Variants in AGAP4 observed in about 807,000 individuals in gnomAD.
AGAP4 encodes the protein arf-GAP with GTPase, ANK repeat and PH domain-containing protein 4.
Under a neutral mutation model 60.7 loss-of-function variants are expected in AGAP4, and 13 were observed. The ratio of observed to expected loss-of-function variants is 0.21; its 90% CI spans 0.14 to 0.34. AGAP4 has a LOEUF of 0.34. AGAP4 is among the 10% of genes least tolerant of loss of function. AGAP4 has a pLI of 1.00. For missense variants in AGAP4, 169 were observed against 884.0 expected (o/e 0.19, Z 10.26); for synonymous variants, 70 against 339.0 (o/e 0.21, Z 8.72).
At chr10:45,849,891 A>C (rs2135974549), upstream of AGAP4, among the ~76,000 whole-genome samples, 1 of 151,246 alleles carries the variant, frequency 6.6e-6, no homozygotes, top group South Asian at 2.1e-4. Context: ...TACAGGCATG[A>C]GCCACCGTGC....
At chr10:45,831,190 C>A (rs1289399194) in intron 6 of AGAP4, among the ~76,000 whole-genome samples, 1 of 114,896 alleles carries the variant, frequency 8.7e-6, no homozygotes, top group Admixed American at 8.2e-5. Context: ...TCAATATAAT[C>A]AATATAAACA....
At chr10:45,844,567 A>C in intron 2 of AGAP4, 173 bp from the exon 3 acceptor site, 1 of 1,122,058 alleles carries the variant, frequency 8.9e-7, no homozygotes, top group African/African-American at 1.7e-5. Context: ...ACATGCTTGT[A>C]GTCCCAGCTA....
At chr10:45,849,444 G>C (rs1171955424), upstream of AGAP4, among the ~76,000 whole-genome samples, 1 of 148,224 alleles carries the variant, frequency 6.7e-6, no homozygotes, top group African/African-American at 2.5e-5. Context: ...GCTTGGATGG[G>C]AAATGACATT....
chr10:45,850,643 A>G (rs2135976040), upstream of AGAP4, among the ~76,000 whole-genome samples: 1 of 152,376 alleles, frequency 6.6e-6, no homozygotes, highest in East Asian at 1.9e-4. Flanking sequence ...AAAGCGGAGG[A>G]AAAAGTCTGT....
intron 4 of AGAP4, among the ~76,000 whole-genome samples, chr10:45,834,425 T>A (rs1444991634): frequency 7.1e-6 from 1 of 141,518 alleles, no homozygotes; most frequent in Non-Finnish European, 1.5e-5. Context: ...CCTGTAATCC[T>A]AGCACTTTGG....
upstream of AGAP4, chr10:45,848,036 A>G (rs4042868): frequency 5.6e-6 from 4 of 718,446 alleles, no homozygotes. Context: ...GAGTGGGTCC[A>G]ATTAGCAACC....
intron 4 of AGAP4, among the ~76,000 whole-genome samples, chr10:45,834,835 G>A (rs1379368369): frequency 1.4e-5 from 2 of 145,534 alleles, no homozygotes; most frequent in African/African-American, 2.8e-5. Context: ...GTGCAGTGGC[G>A]CGATCTCGGC....
At chr10:45,831,979 G>A (rs1297954049) in intron 5 of AGAP4, among the ~76,000 whole-genome samples, 1 of 143,294 alleles carries the variant, frequency 7.0e-6, no homozygotes, top group Non-Finnish European at 1.5e-5. Flanking sequence ...GTGTGATCTC[G>A]GCTCACCACA....
At chr10:45,841,536 C>T in intron 4 of AGAP4, 117 bp downstream of exon 4, 2 of 651,556 alleles carry the variant, frequency 3.1e-6, no homozygotes, top group Non-Finnish European at 4.9e-6. Context: ...TTTAGAAAAT[C>T]CACAAAAAGA....
upstream of AGAP4, among the ~76,000 whole-genome samples, chr10:45,850,770 G>A (rs1305744291): frequency 6.6e-6 from 1 of 151,970 alleles, no homozygotes; most frequent in Non-Finnish European, 1.5e-5. Flanking sequence ...ATGTAGCAGT[G>A]CCTTCCTCCT....
At chr10:45,838,001 A>G (rs2058850559) in intron 4 of AGAP4, among the ~76,000 whole-genome samples, 1 of 151,058 alleles carries the variant, frequency 6.6e-6, no homozygotes, top group African/African-American at 2.5e-5. Context: ...GAACTCAAAC[A>G]AATTACAATT....
chr10:45,847,076 T>C lies in AGAP4; in HGVS notation c.223+49A>G, dbSNP rs199973295. The C allele has an allele frequency of 2.8e-3, 4,423 of 1,588,594 alleles. 3 individuals carry two copies. In the East Asian group the frequency reaches 0.035, roughly 13 times the overall value. The stretch of plus-strand genomic sequence containing the variant: ...GCCTCAAAGGGAACCTTGGGGACAG[T>C]AGCAGCCAGAGGCAAACCGAGGGTA... On this transcript the variant is annotated intron_variant, in intron 1 of 7. Coordinates refer to ENST00000616763, the MANE Select transcript of AGAP4 (RefSeq NM_001276343.3).
At chr10:45,850,790 T>C (rs1437278881), upstream of AGAP4, among the ~76,000 whole-genome samples, 6 of 151,882 alleles carry the variant, frequency 4.0e-5, no homozygotes, top group East Asian at 9.7e-4. Context: ...TGGCCAAGAA[T>C]GTAGGAAGAG....
At chr10:45,854,297 G>A (rs1225987147), upstream of AGAP4, 2 of 157,502 alleles carry the variant, frequency 1.3e-5, no homozygotes, top group African/African-American at 4.8e-5. Flanking sequence ...ACCTTGTCCA[G>A]AACTACAGTC....
intron 6 of AGAP4, among the ~76,000 whole-genome samples, chr10:45,830,103 C>T (rs1241336385): frequency 3.4e-5 from 5 of 148,994 alleles, no homozygotes; most frequent in African/African-American, 1.2e-4. Context: ...ATACCCACAA[C>T]TGTCTGAAAA....
At chr10:45,850,457 G>T (rs1263458038), upstream of AGAP4, among the ~76,000 whole-genome samples, 18 of 151,826 alleles carry the variant, frequency 1.2e-4, no homozygotes, top group Non-Finnish European at 2.6e-4. Flanking sequence ...CAAATTTGAT[G>T]CTGGGGTGGT....
At chr10:45,847,716 C>CT (rs2059023007), upstream of AGAP4, 1 of 1,203,766 alleles carries the variant, frequency 8.3e-7, no homozygotes, top group Admixed American at 3.8e-5. Context: ...CTGAAGCCCA[C>CT]TGGCCCCAGG....
intron 4 of AGAP4, among the ~76,000 whole-genome samples, chr10:45,840,235 A>G (rs1404434395): frequency 1.4e-4 from 20 of 146,714 alleles, no homozygotes; most frequent in African/African-American, 4.9e-4. Flanking sequence ...CAACACTGTA[A>G]TAAGAGCACA....
At chr10:45,846,909 T>C (rs1431005846) in intron 1 of AGAP4, among the ~76,000 whole-genome samples, 154 bp from the exon 2 acceptor site, 4 of 150,394 alleles carry the variant, frequency 2.7e-5, no homozygotes, top group African/African-American at 7.4e-5. Flanking sequence ...AACTGGGCGA[T>C]TGGGAGGGGA....
Sources: gnomAD v4.1 joint callset for allele counts (sites outside exome capture counted in the v4.1 genomes callset) on GRCh38, gnomAD v4.1.1 for gene constraint, MANE v1.5 for transcripts, NCBI Gene and HGNC (gene_info 2026-07-23, HGNC 2026-07-21) for gene names.